The following TENM4 variants were observed in gnomAD, a reference collection of about 807,000 sequenced individuals.
TENM4 encodes teneurin-4.
Under a neutral mutation model 243.3 loss-of-function variants are expected in TENM4, and 82 were observed. The ratio of observed to expected loss-of-function variants is 0.34; its 90% confidence interval spans 0.28 to 0.40. The LOEUF (loss-of-function observed/expected upper bound fraction) is 0.40, where lower values mean the gene tolerates loss of function less well. TENM4 is among the 10% of genes least tolerant of loss of function. TENM4 has a pLI of 1.00. For synonymous variants in TENM4, 1,412 were observed against 1,456.3 expected, an observed-to-expected ratio of 0.97 and a Z score of 0.69; for missense variants, 3,138 against 3,673.3, an observed-to-expected ratio of 0.85 and a Z score of 3.77.
chr11:78,893,552 C>T (rs1040315502), intron 7 of TENM4, among the ~76,000 whole-genome samples: 14 of 152,200 alleles, frequency 9.2e-5, no homozygotes, highest in Admixed American at 8.5e-4. Context: ...TTCTATGCTA[C>T]AGGTACACTG....
At chr11:78,953,220 T>C (rs1421224575) in intron 6 of TENM4, among the ~76,000 whole-genome samples, 1 of 152,224 alleles carries the variant, frequency 6.6e-6, no homozygotes, top group Admixed American at 6.5e-5. Context: ...TGAAGCTTTG[T>C]CTCTGAGACT....
chr11:79,239,738 T>G (rs974782851), intron 2 of TENM4, among the ~76,000 whole-genome samples: 1 of 152,126 alleles, frequency 6.6e-6, no homozygotes, highest in Non-Finnish European at 1.5e-5. Context: ...CTCTGCGGAG[T>G]GTTCTACATG....
At chr11:79,349,139 C>T (rs1857375218) in intron 1 of TENM4, among the ~76,000 whole-genome samples, 1 of 152,138 alleles carries the variant, frequency 6.6e-6, no homozygotes, top group Non-Finnish European at 1.5e-5. Flanking sequence ...CATCCTTCCT[C>T]CTATCACATG....
rs199918887 is a variant in TENM4 at position 78,796,715 on chromosome 11, T to TC, written c.2179+8576dup. On this transcript the variant is annotated intron_variant, in intron 15 of 33. Coordinates refer to ENST00000278550, the MANE Select transcript of TENM4 (RefSeq NM_001098816.3). ...ATTCATGCTGGCTTTCCTCATCTTT[T>TC]CCCCCTCTCACTACTGCCACAAATA... Among the ~76,000 whole-genome samples, 274 of 152,186 alleles carry TC rather than the reference T, an allele frequency of 1.8e-3. 1 individual carries two copies. Among genetic ancestry groups the TC allele is most frequent in the African/African-American group, 6.2e-3 (256 of 41,510 alleles).
intron 4 of TENM4, among the ~76,000 whole-genome samples, chr11:79,110,064 T>C (rs1488738560): frequency 6.6e-6 from 1 of 152,158 alleles, no homozygotes; most frequent in Non-Finnish European, 1.5e-5. Flanking sequence ...GAAACCTAGT[T>C]TAAATATCAT....
At chr11:79,405,515 A>G (rs1479843218) in intron 1 of TENM4, among the ~76,000 whole-genome samples, 1 of 152,048 alleles carries the variant, frequency 6.6e-6, no homozygotes, top group Non-Finnish European at 1.5e-5. Flanking sequence ...TGAAAGACAC[A>G]TAATCACTTT....
At chr11:79,314,798 C>G (rs1207891955) in intron 1 of TENM4, among the ~76,000 whole-genome samples, 1 of 152,192 alleles carries the variant, frequency 6.6e-6, no homozygotes, top group Non-Finnish European at 1.5e-5. Context: ...TCAGCCTTGG[C>G]TACACATCAC....
chr11:78,728,754 G>A (rs1855581945), intron 22 of TENM4, among the ~76,000 whole-genome samples: 1 of 152,166 alleles, frequency 6.6e-6, no homozygotes. Flanking sequence ...GGCCTGCTGA[G>A]AGTCTAGCTC....
At chr11:78,923,850 T>A (rs545184102) in intron 6 of TENM4, among the ~76,000 whole-genome samples, 88 of 150,674 alleles carry the variant, frequency 5.8e-4, no homozygotes, top group African/African-American at 2.1e-3. Flanking sequence ...ATTCTTTTTT[T>A]TTTTTCTTTT....
At chr11:78,671,315 T>C (rs914286291) in intron 31 of TENM4, among the ~76,000 whole-genome samples, 2 of 152,038 alleles carry the variant, frequency 1.3e-5, no homozygotes, top group African/African-American at 4.8e-5. Flanking sequence ...TAGCGCAAAA[T>C]GTCACTTTTG....
intron 2 of TENM4, among the ~76,000 whole-genome samples, chr11:79,275,969 G>T (rs992531236): frequency 6.6e-6 from 1 of 152,228 alleles, no homozygotes; most frequent in Non-Finnish European, 1.5e-5. Flanking sequence ...TATGTGGGGG[G>T]AAGGTAGAGC....
At chr11:79,244,542 C>G (rs1855480196) in intron 2 of TENM4, among the ~76,000 whole-genome samples, 2 of 152,076 alleles carry the variant, frequency 1.3e-5, no homozygotes, top group Non-Finnish European at 2.9e-5. Flanking sequence ...GAGAATTTCT[C>G]AAGCAGCTTG....
At chr11:79,215,763 A>G (rs1343246972) in intron 3 of TENM4, 45 bp downstream of exon 3, 3 of 985,710 alleles carry the variant, frequency 3.0e-6, no homozygotes, top group East Asian at 2.3e-4. Context: ...AAGGCCACAA[A>G]TTTGCAGCTA....
chr11:78,758,133 GC>G (rs1856352909), intron 18 of TENM4, among the ~76,000 whole-genome samples: 3 of 152,296 alleles, frequency 2.0e-5, no homozygotes, highest in East Asian at 3.9e-4. Flanking sequence ...TGCTTTGTCG[GC>G]AGACAACAGT....
At chr11:79,056,413 G>A (rs111597011) in intron 6 of TENM4, among the ~76,000 whole-genome samples, 18 of 152,118 alleles carry the variant, frequency 1.2e-4, no homozygotes, top group African/African-American at 4.1e-4. Context: ...CCAGCAGGAA[G>A]CGGTTATGGG....
intron 1 of TENM4, among the ~76,000 whole-genome samples, chr11:79,370,465 G>A (rs537331525): frequency 1.3e-5 from 2 of 152,270 alleles, no homozygotes; most frequent in South Asian, 2.1e-4. Context: ...CGAAGTATGA[G>A]CACCCCTGAA....
At chr11:79,117,242 C>T (rs1861640908) in intron 4 of TENM4, among the ~76,000 whole-genome samples, 1 of 152,188 alleles carries the variant, frequency 6.6e-6, no homozygotes, top group Admixed American at 6.5e-5. Context: ...TTCATCAGCT[C>T]TCTTTACGTC....
intron 6 of TENM4, among the ~76,000 whole-genome samples, chr11:78,911,389 A>G (rs1002392061): frequency 6.6e-6 from 1 of 152,180 alleles, no homozygotes; most frequent in African/African-American, 2.4e-5. Flanking sequence ...TCTGTGTCCC[A>G]GGAGGCTGAC....
intron 4 of TENM4, among the ~76,000 whole-genome samples, chr11:79,070,658 C>T (rs1860390913): frequency 6.6e-6 from 1 of 152,144 alleles, no homozygotes; most frequent in South Asian, 2.1e-4. Context: ...GTCTCTAGCA[C>T]CTCGAACAAG....
Sources: allele counts gnomAD v4.1 joint callset (sites outside exome capture counted in the v4.1 genomes callset), GRCh38; gene constraint gnomAD v4.1.1; transcripts MANE v1.5; gene names NCBI Gene and HGNC (gene_info 2026-07-23, HGNC 2026-07-21).